Variants in FNIP2 observed in about 807,000 individuals in gnomAD.
FNIP2 encodes folliculin interacting protein 2, also known as folliculin-interacting protein 2.
Under a neutral mutation model 108.7 loss-of-function variants are expected in FNIP2, and 32 were observed. The ratio of observed to expected loss-of-function variants is 0.29; its 90% confidence interval spans 0.22 to 0.40. FNIP2 has a LOEUF of 0.40. Ranked by LOEUF, FNIP2 falls within the 10% of genes least tolerant of loss-of-function variation. The pLI is 1.00. For missense variants in FNIP2, 1,202 were observed against 1,381.6 expected, an observed-to-expected ratio of 0.87 and a Z score of 2.06; for synonymous variants, 480 against 496.7, an observed-to-expected ratio of 0.97 and a Z score of 0.45.
intron 14 of FNIP2, among the ~76,000 whole-genome samples, chr4:158,888,364 C>T (rs1302931503): frequency 6.6e-6 from 1 of 152,176 alleles, no homozygotes; most frequent in Non-Finnish European, 1.5e-5. Context: ...CTGTAAGGAA[C>T]ACAAGATGCT....
chr4:158,859,346 C>A, intron 9 of FNIP2, 88 bp downstream of exon 9: 1 of 1,396,424 alleles, frequency 7.2e-7, no homozygotes, highest in Non-Finnish European at 9.7e-7. Flanking sequence ...TATCAGATGT[C>A]TTTCCTAAGG....
intron 7 of FNIP2, among the ~76,000 whole-genome samples, chr4:158,839,361 T>A (rs1421345194): frequency 6.6e-6 from 1 of 151,998 alleles, no homozygotes; most frequent in East Asian, 1.9e-4. Context: ...ATTTCTATTA[T>A]TTATTTATTT....
At chr4:158,792,211 ACT>A (rs1311416899) in intron 1 of FNIP2, among the ~76,000 whole-genome samples, 1 of 151,972 alleles carries the variant, frequency 6.6e-6, no homozygotes, top group Non-Finnish European at 1.5e-5. Context: ...CAAAATCAAT[ACT>A]CTCGGCACTT....
chr4:158,836,916 G>A (rs1419168108), intron 7 of FNIP2, among the ~76,000 whole-genome samples: 2 of 150,552 alleles, frequency 1.3e-5, no homozygotes, highest in African/African-American at 4.9e-5. Flanking sequence ...GGAAACTTAT[G>A]AAGCACTAAG....
intron 14 of FNIP2, among the ~76,000 whole-genome samples, chr4:158,879,480 T>G (rs1389989926): frequency 6.7e-6 from 1 of 150,348 alleles, no homozygotes; most frequent in Non-Finnish European, 1.5e-5. Context: ...TTCAGGGAAC[T>G]GAAGCCCCTT....
Position 158,904,540 on chromosome 4 carries a change from T to C in FNIP2, c.3341T>C (p.Leu1114Ser). 1.2e-6 allele frequency: 2 copies of C among 1,612,516 alleles called. No homozygotes were observed. The highest frequency in any genetic ancestry group is 1.7e-6 in the Non-Finnish European group (2 of 1,179,466). The change falls in exon 17 of 17, where the codon TTA becomes TCA. Residue 1114 changes from leucine (L) to serine (S), a missense_variant. Transcript: ENST00000264433. The part of the protein sequence containing the change: ...THSPYVAQIL[L>S] ...TCTCCTTATGTGGCTCAAATACTCT[T>C]ATAAGCTAAAGCTCAGGACAGTTCT...
intron 1 of FNIP2, among the ~76,000 whole-genome samples, chr4:158,800,960 A>T (rs895520886): frequency 1.3e-5 from 2 of 152,184 alleles, no homozygotes; most frequent in African/African-American, 4.8e-5. Context: ...AATAATCTAG[A>T]TTATAATTAG....
intron 1 of FNIP2, among the ~76,000 whole-genome samples, chr4:158,785,529 A>G (rs966628747): frequency 4.6e-5 from 7 of 152,136 alleles, no homozygotes; most frequent in African/African-American, 1.7e-4. Flanking sequence ...AGGTCTTGCT[A>G]TATTGACCAG....
At chr4:158,826,228 C>G (rs1276575383) in intron 2 of FNIP2, among the ~76,000 whole-genome samples, 186 bp downstream of exon 2, 1 of 152,228 alleles carries the variant, frequency 6.6e-6, no homozygotes, top group African/African-American at 2.4e-5. Context: ...CATGAGTATG[C>G]TCACTGCTAA....
chr4:158,826,508 C>A (rs1228766855), intron 2 of FNIP2, among the ~76,000 whole-genome samples: 1 of 152,220 alleles, frequency 6.6e-6, no homozygotes, highest in African/African-American at 2.4e-5. Context: ...TACAGGACTT[C>A]CATATGCAAA....
intron 3 of FNIP2, among the ~76,000 whole-genome samples, chr4:158,830,442 T>G (rs929886950): frequency 6.6e-6 from 1 of 151,760 alleles, no homozygotes; most frequent in Admixed American, 6.6e-5. Context: ...TTTTGTATTT[T>G]TAGTAGAGAC....
chr4:158,857,092 G>A (rs574264466), intron 8 of FNIP2, among the ~76,000 whole-genome samples: 250 of 152,218 alleles, frequency 1.6e-3, no homozygotes, highest in African/African-American at 5.6e-3. Context: ...ACTGATGAGA[G>A]CATTGGCTAT....
At chr4:158,863,397 GAAGACTATCTGGAATCATTCCA>G (rs1453294496) in intron 12 of FNIP2, among the ~76,000 whole-genome samples, 1 of 152,224 alleles carries the variant, frequency 6.6e-6, no homozygotes, top group Non-Finnish European at 1.5e-5. Flanking sequence ...TAAGTATAGA[GAAGACTATCTGGAATCATTCCA>G]AAGACTCCTC....
intron 1 of FNIP2, among the ~76,000 whole-genome samples, chr4:158,811,922 C>T (rs1480184625): frequency 6.6e-6 from 1 of 152,210 alleles, no homozygotes; most frequent in African/African-American, 2.4e-5. Flanking sequence ...ACATTTTCAA[C>T]AGAGAGAACA....
At chr4:158,820,523 A>C (rs1777824986) in intron 1 of FNIP2, among the ~76,000 whole-genome samples, 1 of 152,194 alleles carries the variant, frequency 6.6e-6, no homozygotes, top group Non-Finnish European at 1.5e-5. Context: ...TCTCTTCCTA[A>C]AACACAGGTC....
At chr4:158,847,405 A>G (rs1031071794) in intron 7 of FNIP2, among the ~76,000 whole-genome samples, 14 of 152,262 alleles carry the variant, frequency 9.2e-5, no homozygotes, top group Non-Finnish European at 1.9e-4. Context: ...ATACCAGCTC[A>G]GACACAGTAG....
At chr4:158,872,029 AT>A in intron 14 of FNIP2, 10 of 983,440 alleles carry the variant, frequency 1.0e-5, no homozygotes, top group Non-Finnish European at 1.2e-5. Flanking sequence ...CTCTGCTATC[AT>A]TTTGATTTCT....
At position 158,813,056 on chromosome 4, in the gene FNIP2, G is replaced by A. The variant is rs140447389; in HGVS notation, c.108-12860G>A. ...ATTCAAGGTCCCTTCATGTCTCTTC[G>A]TAGCATGGTAGTTCATTTCCTTTTT... On this transcript the variant is annotated intron_variant, in intron 1 of 16. Coordinates refer to ENST00000264433, the MANE Select transcript of FNIP2 (RefSeq NM_020840.3). Among the ~76,000 whole-genome samples the A allele has an allele frequency of 1.1e-4, 17 of 151,992 alleles. No individual in the cohort carries two copies. The East Asian group carries it at 2.9e-3, about 26-fold the overall frequency.
chr4:158,872,053 G>A, intron 14 of FNIP2: 1 of 984,516 alleles, frequency 1.0e-6, no homozygotes, highest in Non-Finnish European at 1.2e-6. Flanking sequence ...CAATATTGGT[G>A]TTGGTTATTG....
Sources: allele counts gnomAD v4.1 joint callset (sites outside exome capture counted in the v4.1 genomes callset), GRCh38; gene constraint gnomAD v4.1.1; transcripts MANE v1.5; gene names NCBI Gene and HGNC (gene_info 2026-07-23, HGNC 2026-07-21).